HAAO: variants seen among roughly 807,000 people sequenced by gnomAD.
The protein encoded by HAAO is 3-hydroxyanthranilate 3,4-dioxygenase, also known as 3-hydroxyanthranilate oxygenase.
In HAAO, 49 loss-of-function variants were observed where a neutral mutation model predicts 46.2. The observed-to-expected ratio is 1.06, with a 90% confidence interval of 0.84 to 1.34. HAAO has a LOEUF of 1.34. HAAO is among the 40% of genes most tolerant of loss of function. HAAO has a pLI of 0.00. For missense variants in HAAO, 408 were observed against 364.5 expected, an observed-to-expected ratio of 1.12 and a Z score of -0.97; for synonymous variants, 157 against 145.2, an observed-to-expected ratio of 1.08 and a Z score of -0.58.
intron 4 of HAAO, among the ~76,000 whole-genome samples, chr2:42,778,133 A>G (rs1020426323): frequency 5.3e-5 from 8 of 152,146 alleles, no homozygotes; most frequent in Non-Finnish European, 1.0e-4. Context: ...ATTTAAAAAA[A>G]AAACCCAAAA....
rs1374783371 is a variant in HAAO at position 42,767,600 on chromosome 2, C to T, written c.777G>A (p.Gly259=). 1.3e-6 allele frequency: 2 copies of T among 1,576,294 alleles called. No individual in the cohort carries two copies. The highest frequency in any genetic ancestry group is 1.9e-5 in the Admixed American group (1 of 53,788). The part of the protein sequence containing the change: ...APDDSLLVLA[G]TSYAWERTQG... ...AGCCCTCCCTGCGTACTCACGAGGTCCCAGCTAGCACCAGGAGGCTGTCAT... is the reference window on the plus strand; with the variant it reads ...AGCCCTCCCTGCGTACTCACGAGGTTCCAGCTAGCACCAGGAGGCTGTCAT... The change falls in exon 9 of 10, where the codon GGG becomes GGA. Residue 259 remains glycine, a synonymous_variant. Coordinates refer to ENST00000294973, the MANE Select transcript of HAAO (RefSeq NM_012205.3).
chr2:42,784,140 A>C (rs1348172811), intron 2 of HAAO, among the ~76,000 whole-genome samples: 1 of 152,156 alleles, frequency 6.6e-6, no homozygotes, highest in Admixed American at 6.5e-5. Flanking sequence ...CAGGAACTGG[A>C]TGAAATGCTC....
chr2:42,773,663 T>A (rs1671324364), intron 4 of HAAO, among the ~76,000 whole-genome samples: 1 of 149,802 alleles, frequency 6.7e-6, no homozygotes, highest in Non-Finnish European at 1.5e-5. Context: ...CTTGGCTCAC[T>A]GCAAGCTCTG....
rs1223973021 is a variant in HAAO at position 42,770,485 on chromosome 2, G to A, written c.440+8C>T. On this transcript the variant is annotated splice_region_variant and intron_variant, in intron 5 of 9. Coordinates refer to ENST00000294973, the MANE Select transcript of HAAO (RefSeq NM_012205.3). ...AAGCAAGAGGCAGGGGCTGGGCTGG[G>A]GGCTCACTCCTGGATGATGGGGGCC... 6.5e-7 allele frequency: 1 copy of A among 1,537,730 alleles called. No individual in the cohort carries two copies. The highest frequency in any genetic ancestry group is 2.0e-5 in the Admixed American group (1 of 50,390).
intron 4 of HAAO, among the ~76,000 whole-genome samples, chr2:42,779,135 C>A (rs1173499538): frequency 6.6e-6 from 1 of 151,970 alleles, no homozygotes. Context: ...TAAATAAGTT[C>A]AGTTTCTCTA....
chr2:42,770,270 G>A (rs1671009291), intron 5 of HAAO, 84 bp from the exon 6 acceptor site: 3 of 1,190,492 alleles, frequency 2.5e-6, no homozygotes, highest in Admixed American at 4.0e-5. Context: ...CACACTCACG[G>A]TCAGGTGCAG....
chr2:42,770,252 A>C, intron 5 of HAAO, 66 bp from the exon 6 acceptor site: 1 of 1,323,556 alleles, frequency 7.6e-7, no homozygotes, highest in Non-Finnish European at 1.1e-6. Flanking sequence ...AGCGACACAC[A>C]CATACACCAC....
intron 4 of HAAO, among the ~76,000 whole-genome samples, chr2:42,779,797 T>C (rs1671854580): frequency 6.6e-6 from 1 of 152,242 alleles, no homozygotes; most frequent in African/African-American, 2.4e-5. Context: ...AATCAAATGA[T>C]AAATTATGTC....
chr2:42,769,681 A>T, intron 7 of HAAO, 32 bp downstream of exon 7: 2 of 1,571,932 alleles, frequency 1.3e-6, no homozygotes, highest in Non-Finnish European at 1.7e-6. Context: ...CTGCTGTGGG[A>T]GGATGCCCCG....
Position 42,767,753 on chromosome 2 carries a change from G to A in HAAO, c.700-76C>T, listed in dbSNP as rs554556380. The A allele has an allele frequency of 1.3e-5, 20 of 1,532,054 alleles. No homozygotes were observed. In the Admixed American group the frequency reaches 2.9e-4, roughly 22 times the overall value. 94.9% of individuals were successfully genotyped at this position (1,532,054 alleles called of 1,614,324 possible). A position where few individuals can be genotyped will look rare whatever the true frequency, so the allele number is the denominator to read the frequency against. On this transcript the variant is annotated intron_variant, in intron 8 of 9. Transcript: ENST00000294973. Reference sequence around the variant, plus strand: ...CTGGGTGAATGTCTGAGTCTGCCTGGGCCCCAAGGCCCCAAGAGTGGGCCC... The same window carrying A: ...CTGGGTGAATGTCTGAGTCTGCCTGAGCCCCAAGGCCCCAAGAGTGGGCCC...
intron 2 of HAAO, among the ~76,000 whole-genome samples, chr2:42,787,573 T>A (rs1233160853): frequency 6.6e-6 from 1 of 152,160 alleles, no homozygotes; most frequent in African/African-American, 2.4e-5. Flanking sequence ...CCAGGGCCCA[T>A]CGTTCCTCCA....
At chr2:42,783,758 C>G (rs1453547954) in intron 3 of HAAO, 26 bp downstream of exon 3, 2 of 1,595,892 alleles carry the variant, frequency 1.3e-6, no homozygotes, top group African/African-American at 1.3e-5. Context: ...CTTTCTCTTC[C>G]CCACCCTGCT....
At chr2:42,783,691 A>G in intron 3 of HAAO, 93 bp downstream of exon 3, 1 of 1,094,638 alleles carries the variant, frequency 9.1e-7, no homozygotes, top group African/African-American at 1.5e-5. Flanking sequence ...GGTAGGGAGG[A>G]CAAGACCTCA....
rs370375467 is a variant in HAAO, at chr2:42,771,099, G to A, written c.351-517C>T. On this transcript the variant is annotated intron_variant, in intron 4 of 9. Coordinates refer to ENST00000294973, the MANE Select transcript of HAAO (RefSeq NM_012205.3). ...GGACACTTAAGAAACCAACATGGCC[G>A]GGCGCAGTGGCTCACGCCTGTAATC... Among the ~76,000 whole-genome samples the A allele has an allele frequency of 5.3e-5, 8 of 152,244 alleles. No individual in the cohort carries two copies. In the South Asian group the frequency reaches 6.2e-4, roughly 12 times the overall value.
At position 42,789,869 on chromosome 2, in the gene HAAO, C is replaced by G. The variant is rs558679102; in HGVS notation, c.81-1262G>C. Among the ~76,000 whole-genome samples the G allele has an allele frequency of 2.0e-5, 3 of 152,368 alleles. No homozygotes were observed. The East Asian group carries it at 5.8e-4, about 29-fold the overall frequency. ...CACAGCAGGGTCCCCTTTCAGGGTGCAGACACTGGGGTGAATAAGCAGCAG... is the reference window on the plus strand; with the variant it reads ...CACAGCAGGGTCCCCTTTCAGGGTGGAGACACTGGGGTGAATAAGCAGCAG... On this transcript the variant is annotated intron_variant, in intron 1 of 9. Transcript: ENST00000294973.
chr2:42,784,734 G>A lies in HAAO; in HGVS notation c.160-867C>T, dbSNP rs372090722. Among the ~76,000 whole-genome samples, 755 of 152,276 alleles carry A rather than the reference G, an allele frequency of 5.0e-3. 7 individuals carry two copies. The highest frequency in any genetic ancestry group is 0.017 in the African/African-American group (715 of 41,544). On this transcript the variant is annotated intron_variant, in intron 2 of 9. Coordinates refer to ENST00000294973, the MANE Select transcript of HAAO (RefSeq NM_012205.3). ...AACAGCATCTACTAAGAGAAACCAA[G>A]CTGACCTCGAGGGACCTAGAGAGAT...
chr2:42,773,111 C>G (rs914451596), intron 4 of HAAO, among the ~76,000 whole-genome samples: 1 of 152,224 alleles, frequency 6.6e-6, no homozygotes, highest in Non-Finnish European at 1.5e-5. Flanking sequence ...TTTTCTTCCC[C>G]TCTTTGGTGT....
chr2:42,789,429 G>A (rs1469855415), intron 1 of HAAO, among the ~76,000 whole-genome samples: 1 of 152,264 alleles, frequency 6.6e-6, no homozygotes, highest in Admixed American at 6.5e-5. Context: ...AATTAGCCAG[G>A]CCTGGTGGTG....
At chr2:42,774,853 T>A (rs1278066432) in intron 4 of HAAO, among the ~76,000 whole-genome samples, 2 of 152,190 alleles carry the variant, frequency 1.3e-5, no homozygotes, top group African/African-American at 2.4e-5. Context: ...TTGGGTTTGA[T>A]CAGCTCTACC....
Sources: gnomAD v4.1 joint callset for allele counts (sites outside exome capture counted in the v4.1 genomes callset) on GRCh38, gnomAD v4.1.1 for gene constraint, MANE v1.5 for transcripts, NCBI Gene and HGNC (gene_info 2026-07-23, HGNC 2026-07-21) for gene names.